Variants in SAMD4B observed in about 807,000 individuals in gnomAD.
SAMD4B encodes sterile alpha motif domain containing 4B, also known as protein Smaug homolog 2.
A neutral mutation model predicts 74.5 loss-of-function variants in SAMD4B; 5 were observed. The observed-to-expected ratio is 0.07, with a 90% confidence interval of 0.04 to 0.14. SAMD4B has a LOEUF of 0.14. SAMD4B is among the 10% of genes least tolerant of loss of function. SAMD4B has a pLI of 1.00. For missense variants in SAMD4B, 608 were observed against 921.8 expected (o/e 0.66, Z 4.41); for synonymous variants, 373 against 374.9 (o/e 1.00, Z 0.06).
At position 39,383,216 on chromosome 19, in the gene SAMD4B, G is replaced by A; in HGVS notation, c.1981G>A (p.Val661Ile). The A allele has an allele frequency of 1.9e-6, 3 of 1,613,970 alleles. No homozygotes were observed. The highest frequency in any genetic ancestry group is 2.5e-6 in the Non-Finnish European group (3 of 1,179,964). The change falls in exon 13 of 14, where the codon GTT (valine) becomes ATT (isoleucine). Residue 661 changes from valine (V) to isoleucine (I), a missense_variant. Val to Ile is a conservative substitution (Grantham distance 29). Coordinates refer to ENST00000610417, the MANE Select transcript of SAMD4B (RefSeq NM_001384574.2). This position sits in a 1 kb window ranked among gnomAD's most constrained non-coding sequence, Gnocchi z 4.1. The stretch of plus-strand genomic sequence containing the variant: ...TCCTCTCTCCCACCCAGACTGCCCG[G>A]TTCCTGGGCCTGACCTGGAGATCAA... ...AILMFPPDCP[V>I]PGPDLEINPT...
chr19:39,380,833 A>G (rs2077929342), intron 11 of SAMD4B, 48 bp downstream of exon 11: 5 of 1,507,728 alleles, frequency 3.3e-6, no homozygotes, highest in Non-Finnish European at 4.4e-6. Context: ...TTGGGGTGGC[A>G]GTACCTGGGA....
intron 2 of SAMD4B, among the ~76,000 whole-genome samples, chr19:39,356,219 A>G (rs1050614103): frequency 3.9e-5 from 6 of 152,138 alleles, no homozygotes; most frequent in African/African-American, 9.7e-5. Context: ...TTGGAGTCCT[A>G]TCAGTAGGTT....
chr19:39,390,760 C>G, the SAMD4B span: 3 of 1,523,808 alleles, frequency 2.0e-6, no homozygotes, highest in Admixed American at 5.9e-5. Context: ...TGACGTTGTT[C>G]AGCAGAAACC....
downstream of SAMD4B, chr19:39,390,277 G>A: frequency 6.2e-7 from 1 of 1,613,212 alleles, no homozygotes; most frequent in Non-Finnish European, 8.5e-7. Context: ...GCAGAGTCCG[G>A]TGGGAATTGG....
chr19:39,375,757 C>T lies in SAMD4B; in HGVS notation c.775C>T (p.Arg259Trp), dbSNP rs775252941. The change falls in exon 5 of 14, where the codon CGG (arginine) becomes TGG (tryptophan). Residue 259 changes from arginine (R) to tryptophan (W), a missense_variant. Around this residue, in one of 9 missense-constraint regions of SAMD4B, gnomAD observed 153 missense variants for 153.0 expected, o/e 1.00. Transcript: ENST00000610417. The surrounding 1 kb of genome is among the most constrained non-coding windows in gnomAD (Gnocchi z 4.1). Reference sequence around the variant, plus strand: ...GCCGAGTCCAGAGGAGCTTGGGGCCCGGGCTGCTTTTACCACGCCCGATCA... The same window carrying T: ...GCCGAGTCCAGAGGAGCTTGGGGCCTGGGCTGCTTTTACCACGCCCGATCA... Reference protein sequence around the residue: ...EWPSPEELGARAAFTTPDHAP... With the variant: ...EWPSPEELGAWAAFTTPDHAP... The T allele has an allele frequency of 1.2e-5, 19 of 1,614,044 alleles. No homozygotes were observed. In the Admixed American group the frequency reaches 1.3e-4, roughly 11 times the overall value.
In SAMD4B at chr19:39,383,216, G is replaced by T; in HGVS notation, c.1981G>T (p.Val661Phe). The T allele has an allele frequency of 6.2e-7, 1 of 1,613,970 alleles. No homozygotes were observed. Among genetic ancestry groups the T allele is most frequent in the South Asian group, 1.1e-5 (1 of 91,058 alleles). The change falls in exon 13 of 14, where the codon GTT becomes TTT. Residue 661 changes from valine (V) to phenylalanine (F), a missense_variant. Around this residue, in one of 9 missense-constraint regions of SAMD4B, gnomAD observed 167 missense variants for 193.0 expected, o/e 0.87. Coordinates refer to ENST00000610417, the MANE Select transcript of SAMD4B (RefSeq NM_001384574.2). The surrounding 1 kb of genome is among the most constrained non-coding windows in gnomAD (Gnocchi z 4.1). Reference sequence around the variant, plus strand: ...TCCTCTCTCCCACCCAGACTGCCCGGTTCCTGGGCCTGACCTGGAGATCAA... The same window carrying T: ...TCCTCTCTCCCACCCAGACTGCCCGTTTCCTGGGCCTGACCTGGAGATCAA... The part of the protein sequence containing the change: ...AILMFPPDCP[V>F]PGPDLEINPT...
chr19:39,388,572 G>A (rs374645553), downstream of SAMD4B: 107 of 1,613,824 alleles, frequency 6.6e-5, no homozygotes, highest in Non-Finnish European at 8.3e-5. Flanking sequence ...ATCATCTGGT[G>A]CATAGTCCAT....
chr19:39,348,875 G>A (rs926510511), intron 1 of SAMD4B, among the ~76,000 whole-genome samples: 1 of 152,156 alleles, frequency 6.6e-6, no homozygotes, highest in Non-Finnish European at 1.5e-5. Flanking sequence ...TTGATGATGG[G>A]ATTAGAGAAA....
intron 4 of SAMD4B, among the ~76,000 whole-genome samples, chr19:39,372,024 G>A (rs2145721098): frequency 6.6e-6 from 1 of 152,250 alleles, no homozygotes; most frequent in South Asian, 2.1e-4. Context: ...CACCCAGGCA[G>A]GGTGCCTATA....
At chr19:39,345,496 C>T (rs986464654) in intron 1 of SAMD4B, among the ~76,000 whole-genome samples, 2 of 152,180 alleles carry the variant, frequency 1.3e-5, no homozygotes, top group Admixed American at 1.3e-4. Flanking sequence ...TCCATCTCTT[C>T]TTGTCCATCT....
intron 1 of SAMD4B, chr19:39,352,125 C>T (rs1231059894): frequency 6.6e-6 from 1 of 152,196 alleles, no homozygotes; most frequent in Non-Finnish European, 1.5e-5. Context: ...ATCCAGAAGA[C>T]ATAGGAACCC....
chr19:39,376,985 C>T (rs987939628), intron 7 of SAMD4B, among the ~76,000 whole-genome samples, 194 bp downstream of exon 7: 2 of 152,214 alleles, frequency 1.3e-5, no homozygotes, highest in Non-Finnish European at 2.9e-5. Context: ...AGTCTCCCCT[C>T]CCTGTCTTTC....
At chr19:39,385,773 A>G (rs2078231878), downstream of SAMD4B, 2 of 657,686 alleles carry the variant, frequency 3.0e-6, no homozygotes, top group East Asian at 2.7e-5. Flanking sequence ...CTAAGCCTCA[A>G]GCCAAGATCC....
intron 12 of SAMD4B, 30 bp downstream of exon 12, chr19:39,381,143 T>C: frequency 1.3e-6 from 2 of 1,557,830 alleles, no homozygotes; most frequent in Non-Finnish European, 1.7e-6. Flanking sequence ...GGACTCTGCC[T>C]GGCCAACATC....
chr19:39,379,931 C>G, intron 9 of SAMD4B, 35 bp from the exon 10 acceptor site: 3 of 1,514,370 alleles, frequency 2.0e-6, no homozygotes, highest in Non-Finnish European at 2.7e-6. Context: ...GGAAGCATCA[C>G]CCTCTCTGCT....
At chr19:39,379,896 T>C in intron 9 of SAMD4B, 70 bp from the exon 10 acceptor site, 3 of 1,282,662 alleles carry the variant, frequency 2.3e-6, no homozygotes, top group Non-Finnish European at 3.3e-6. Context: ...AACAAATGAA[T>C]GGAAGACTGG....
intron 11 of SAMD4B, 74 bp downstream of exon 11, chr19:39,380,859 A>G: frequency 6.6e-7 from 1 of 1,508,268 alleles, no homozygotes; most frequent in South Asian, 1.3e-5. Context: ...ATTTGCCTGT[A>G]TACTCTGTGT....
chr19:39,358,398 C>T (rs1052573204), intron 3 of SAMD4B, among the ~76,000 whole-genome samples: 2 of 152,138 alleles, frequency 1.3e-5, no homozygotes, highest in African/African-American at 4.8e-5. Flanking sequence ...CACTTTCCTG[C>T]GCGCCACCAC....
At chr19:39,388,581 A>C, downstream of SAMD4B, 2 of 1,613,506 alleles carry the variant, frequency 1.2e-6, no homozygotes, top group Non-Finnish European at 1.7e-6. Flanking sequence ...TGCATAGTCC[A>C]TCTCCTCCTC....
Sources: gnomAD v4.1 joint callset for allele counts (sites outside exome capture counted in the v4.1 genomes callset) on GRCh38, gnomAD v4.1.1 for gene constraint, gnomAD v4.1.1 regional missense constraint, Gnocchi (gnomAD v3.1) non-coding constraint, MANE v1.5 for transcripts, NCBI Gene and HGNC (gene_info 2026-07-23, HGNC 2026-07-21) for gene names.